Variants in ADGB observed in about 807,000 individuals in gnomAD.
ADGB encodes the protein androglobin.
ADGB carries 172 observed loss-of-function variants against 210.5 expected under a neutral mutation model. That is an observed-to-expected ratio of 0.82 (90% CI 0.72 to 0.93). The LOEUF (loss-of-function observed/expected upper bound fraction) is 0.93, where lower values mean the gene tolerates loss of function less well. Ranked by LOEUF, ADGB falls within the 40% of genes least tolerant of loss-of-function variation. The probability of loss-of-function intolerance (pLI) is 0.00; values close to 1 mark genes in which losing one functional copy is unlikely to be tolerated. For synonymous variants in ADGB, 658 were observed against 662.7 expected, an observed-to-expected ratio of 0.99 and a Z score of 0.11; for missense variants, 2,025 against 1,964.8, an observed-to-expected ratio of 1.03 and a Z score of -0.58.
chr6:146,622,700 C>T (rs926172507), intron 1 of ADGB, among the ~76,000 whole-genome samples: 4 of 151,874 alleles, frequency 2.6e-5, no homozygotes, highest in East Asian at 3.9e-4. Flanking sequence ...TTAATAGTGT[C>T]CTTTGAAGAG....
chr6:146,749,730 T>C (rs1223956195), intron 26 of ADGB, among the ~76,000 whole-genome samples: 2 of 152,048 alleles, frequency 1.3e-5, no homozygotes, highest in Non-Finnish European at 2.9e-5. Context: ...CTACAGTATG[T>C]ACAGGAGGCA....
At chr6:146,700,814 A>G in intron 12 of ADGB, 127 bp from the exon 13 acceptor site, 1 of 1,126,866 alleles carries the variant, frequency 8.9e-7, no homozygotes, top group Non-Finnish European at 1.2e-6. Flanking sequence ...ACTGGTAGTA[A>G]AAGAATGAGA....
intron 5 of ADGB, among the ~76,000 whole-genome samples, chr6:146,661,032 C>T (rs138033416): frequency 2.0e-5 from 3 of 152,112 alleles, no homozygotes; most frequent in Non-Finnish European, 4.4e-5. Flanking sequence ...ACCTATAGTG[C>T]TTTCAAGCAA....
rs558659639 is a variant in ADGB at position 146,740,302 on chromosome 6, A to G, written c.2889-157A>G. On this transcript the variant is annotated intron_variant, in intron 23 of 35. Transcript: ENST00000397944. ...GGGTCCCCTTCTCTTGGCACCATGT[A>G]TCAGGGACTACACAGACCCCCTTTG... 1.2e-4 allele frequency among the ~76,000 whole-genome samples: 19 copies of G among 152,318 alleles called. 1 individual carries two copies. The South Asian group carries it at 3.3e-3, about 27-fold the overall frequency.
chr6:146,699,645 A>G (rs965898557), intron 12 of ADGB, among the ~76,000 whole-genome samples: 1 of 152,044 alleles, frequency 6.6e-6, no homozygotes, highest in African/African-American at 2.4e-5. Flanking sequence ...AAGCCAGCCA[A>G]GATGGCACCT....
At position 146,733,125 on chromosome 6, in the gene ADGB, T is replaced by C; in HGVS notation, c.2526T>C (p.Phe842=). The C allele has an allele frequency of 1.3e-6, 2 of 1,512,652 alleles. No individual in the cohort carries two copies. The highest frequency in any genetic ancestry group is 1.8e-6 in the Non-Finnish European group (2 of 1,128,554). 93.7% of individuals were successfully genotyped at this position (1,512,652 alleles called of 1,614,324 possible). A position where few individuals can be genotyped will look rare whatever the true frequency, so the allele number is the denominator to read the frequency against. The change falls in exon 21 of 36, where the codon TTT becomes TTC. Residue 842 remains phenylalanine (F), a synonymous_variant. Coordinates refer to ENST00000397944, the MANE Select transcript of ADGB (RefSeq NM_024694.4). Reference sequence around the variant, plus strand: ...AAAAAATTTATGTGTTTCAGGTTTTTCATCTTTCCTTATGGCGTTTAATGA... The same window carrying C: ...AAAAAATTTATGTGTTTCAGGTTTTCCATCTTTCCTTATGGCGTTTAATGA... ...KELTAQHFRV[F]HLSLWRLMKK... is the part of the protein sequence containing the mutation.
chr6:146,634,493 G>A (rs1026007019), intron 1 of ADGB, among the ~76,000 whole-genome samples: 2 of 151,932 alleles, frequency 1.3e-5, no homozygotes, highest in African/African-American at 2.4e-5. Context: ...CTCACAAGGC[G>A]TTAAAAACTT....
At position 146,802,192 on chromosome 6, in the gene ADGB, C is replaced by G. The variant is rs368093811; in HGVS notation, c.4818+181C>G. On this transcript the variant is annotated intron_variant, in intron 35 of 35. Transcript: ENST00000397944. ...TTCTACACATCTCATCTCACTCCCT[C>G]CCTAAAATCCCCCTAAAATGCAGTA... 3.9e-5 allele frequency among the ~76,000 whole-genome samples: 6 copies of G among 152,112 alleles called. No homozygotes were observed. The East Asian group carries it at 5.8e-4, about 15-fold the overall frequency.
At chr6:146,726,001 CA>C in intron 18 of ADGB, 81 bp from the exon 19 acceptor site, 2 of 792,526 alleles carry the variant, frequency 2.5e-6, no homozygotes, top group South Asian at 3.9e-5. Context: ...ATTTGAGTTC[CA>C]AAGTGTGAAT....
At chr6:146,789,009 T>C (rs187818839) in intron 33 of ADGB, among the ~76,000 whole-genome samples, 20 of 152,226 alleles carry the variant, frequency 1.3e-4, no homozygotes, top group Non-Finnish European at 2.6e-4. Flanking sequence ...GAATGTCATT[T>C]TTTAAATGTT....
At chr6:146,725,695 T>C (rs1172927283) in intron 18 of ADGB, 2 of 156,792 alleles carry the variant, frequency 1.3e-5, no homozygotes, top group Admixed American at 1.3e-4. Flanking sequence ...TTAACATACA[T>C]GAAATGATGC....
chr6:146,658,104 G>A (rs1775809769), intron 5 of ADGB, among the ~76,000 whole-genome samples: 1 of 152,076 alleles, frequency 6.6e-6, no homozygotes, highest in South Asian at 2.1e-4. Flanking sequence ...CTAGCTTCCT[G>A]GGATGGGGAA....
intron 35 of ADGB, among the ~76,000 whole-genome samples, chr6:146,808,596 A>T (rs73586716): frequency 6.6e-6 from 1 of 152,360 alleles, no homozygotes; most frequent in African/African-American, 2.4e-5. Context: ...CTAATTCATG[A>T]CTATCTCAAA....
intron 23 of ADGB, among the ~76,000 whole-genome samples, chr6:146,739,706 T>G (rs9485118): frequency 0.022 from 3,401 of 152,292 alleles, 117 homozygotes; most frequent in African/African-American, 0.077. Flanking sequence ...GAGAACCATT[T>G]GCTATGGCCA....
chr6:146,638,816 A>T (rs1265849491), intron 2 of ADGB: 4 of 151,244 alleles, frequency 2.6e-5, no homozygotes, highest in African/African-American at 9.7e-5. Context: ...TTAATGTAAC[A>T]GAAATGTATG....
chr6:146,682,603 T>C (rs987868683), intron 9 of ADGB, among the ~76,000 whole-genome samples: 1 of 152,154 alleles, frequency 6.6e-6, no homozygotes, highest in African/African-American at 2.4e-5. Flanking sequence ...TTTCATGGTC[T>C]GTACCATTCA....
chr6:146,747,378 A>G (rs1777255258), intron 26 of ADGB, among the ~76,000 whole-genome samples: 1 of 152,226 alleles, frequency 6.6e-6, no homozygotes, highest in African/African-American at 2.4e-5. Flanking sequence ...GGCCACTAAT[A>G]GTCTAAAAAG....
chr6:146,694,987 C>T (rs1002809838), intron 12 of ADGB, among the ~76,000 whole-genome samples: 5 of 152,136 alleles, frequency 3.3e-5, no homozygotes, highest in Non-Finnish European at 7.3e-5. Flanking sequence ...TTGTAATATA[C>T]ACATTATTAA....
chr6:146,740,029 G>C (rs190672735), intron 23 of ADGB, among the ~76,000 whole-genome samples: 1 of 152,166 alleles, frequency 6.6e-6, no homozygotes, highest in Admixed American at 6.5e-5. Flanking sequence ...TTTTCCAAAC[G>C]TATTTCTCAC....
Sources: allele counts gnomAD v4.1 joint callset (sites outside exome capture counted in the v4.1 genomes callset), GRCh38; gene constraint gnomAD v4.1.1; transcripts MANE v1.5; gene names NCBI Gene and HGNC (gene_info 2026-07-23, HGNC 2026-07-21).